MME: variants seen among roughly 807,000 people sequenced by gnomAD.
MME encodes membrane metalloendopeptidase, also known as neprilysin.
Under a neutral mutation model 113.2 loss-of-function variants are expected in MME, and 98 were observed. The observed-to-expected ratio is 0.87, with a 90% CI of 0.74 to 1.02. The LOEUF is 1.02. Ranked by LOEUF, MME falls within the 50% of genes least tolerant of loss-of-function variation. The pLI is 0.00. For missense variants in MME, 836 were observed against 896.0 expected (o/e 0.93, Z 0.86); for synonymous variants, 292 against 300.6 (o/e 0.97, Z 0.30).
At chr3:155,043,074 T>G (rs1307268639) in intron 1 of MME, among the ~76,000 whole-genome samples, 3 of 149,506 alleles carry the variant, frequency 2.0e-5, no homozygotes, top group Admixed American at 6.7e-5. Flanking sequence ...TTAGAGTCTT[T>G]TTATGGTATA....
chr3:155,066,819 C>T (rs894145349), intron 1 of MME, among the ~76,000 whole-genome samples: 8 of 152,150 alleles, frequency 5.3e-5, no homozygotes, highest in Non-Finnish European at 1.0e-4. Context: ...AAGTGATCAG[C>T]TATTACTACA....
At chr3:155,056,943 A>C (rs1324798775) in intron 1 of MME, among the ~76,000 whole-genome samples, 1 of 152,238 alleles carries the variant, frequency 6.6e-6, no homozygotes, top group African/African-American at 2.4e-5. Flanking sequence ...ACAAAAATTA[A>C]TTCAAGTTGG....
chr3:155,058,201 C>G (rs185987850), intron 1 of MME, among the ~76,000 whole-genome samples: 2 of 152,098 alleles, frequency 1.3e-5, no homozygotes, highest in Admixed American at 6.6e-5. Context: ...TGAAGACTCA[C>G]GCAATATTTG....
chr3:155,043,022 CA>C (rs1403679670), intron 1 of MME, among the ~76,000 whole-genome samples: 11 of 142,596 alleles, frequency 7.7e-5, no homozygotes, highest in African/African-American at 2.3e-4. Flanking sequence ...AAGATACTCA[CA>C]TTTTTTTGTT....
chr3:155,032,334 AAAG>A (rs1408865772), intron 1 of MME, among the ~76,000 whole-genome samples: 23 of 152,348 alleles, frequency 1.5e-4, no homozygotes, highest in African/African-American at 5.5e-4. Flanking sequence ...TTGTTTTTAA[AAAG>A]AAGTTGTTTC....
chr3:155,172,018 C>A, intron 20 of MME, 99 bp from the exon 21 acceptor site: 1 of 730,578 alleles, frequency 1.4e-6, no homozygotes, highest in Non-Finnish European at 2.4e-6. Context: ...GTGATTTTAA[C>A]ATAAAATGTT....
chr3:155,128,523 G>T (rs1719874591), intron 8 of MME, among the ~76,000 whole-genome samples: 1 of 152,118 alleles, frequency 6.6e-6, no homozygotes, highest in Non-Finnish European at 1.5e-5. Flanking sequence ...TAATGTCAGT[G>T]TATCATTGGC....
intron 3 of MME, chr3:155,085,353 A>G (rs1043851520): frequency 3.8e-5 from 11 of 288,310 alleles, no homozygotes; most frequent in African/African-American, 2.4e-4. Context: ...ATTTGTATGG[A>G]GCTTGCCATG....
intron 14 of MME, among the ~76,000 whole-genome samples, chr3:155,146,080 C>T (rs573274214): frequency 1.8e-4 from 27 of 150,802 alleles, no homozygotes; most frequent in African/African-American, 4.9e-4. Flanking sequence ...AAGAGTGATA[C>T]GAAGTGGTAA....
At chr3:155,125,924 A>G (rs1719614661) in intron 8 of MME, among the ~76,000 whole-genome samples, 2 of 152,170 alleles carry the variant, frequency 1.3e-5, no homozygotes, top group Non-Finnish European at 1.5e-5. Flanking sequence ...CTCACAGTGT[A>G]GTGATGTGAC....
intron 9 of MME, among the ~76,000 whole-genome samples, chr3:155,139,954 A>AT (rs551178933): frequency 6.6e-6 from 1 of 152,172 alleles, no homozygotes; most frequent in Admixed American, 6.6e-5. Flanking sequence ...ATATAGACAG[A>AT]TTTTTTAAAA....
chr3:155,066,815 T>C (rs1055352043), intron 1 of MME, among the ~76,000 whole-genome samples: 1 of 152,200 alleles, frequency 6.6e-6, no homozygotes, highest in Non-Finnish European at 1.5e-5. Flanking sequence ...AGAAAAGTGA[T>C]CAGCTATTAC....
intron 1 of MME, among the ~76,000 whole-genome samples, chr3:155,044,598 C>A (rs1275315884): frequency 1.3e-5 from 2 of 151,930 alleles, no homozygotes; most frequent in Non-Finnish European, 2.9e-5. Flanking sequence ...TCAGCTCATG[C>A]AACTTCTGCC....
intron 1 of MME, among the ~76,000 whole-genome samples, chr3:155,050,317 T>C (rs897480172): frequency 1.3e-5 from 2 of 152,224 alleles, no homozygotes; most frequent in African/African-American, 2.4e-5. Flanking sequence ...GTCTTTATGA[T>C]AGAATAATCT....
rs1237751773 is a variant in MME at position 155,183,693 on chromosome 3, T to G, written c.*3234T>G. ...CAAAAATACAAAATAAAAACAAACGTTTTTAATACTATTGCTTTTATGCCT... is the reference window on the plus strand; with the variant it reads ...CAAAAATACAAAATAAAAACAAACGGTTTTAATACTATTGCTTTTATGCCT... On this transcript the variant is annotated 3_prime_UTR_variant, in exon 23 of 23. Coordinates refer to ENST00000360490, the MANE Select transcript of MME (RefSeq NM_007289.4). 1.3e-5 allele frequency: 2 copies of G among 152,142 alleles called. No individual in the cohort carries two copies. Among genetic ancestry groups the G allele is most frequent in the African/African-American group, 4.8e-5 (2 of 41,442 alleles). The allele number at this position is 152,142 out of a possible 1,614,324, so 9.4% of individuals were successfully genotyped here.
At position 155,118,812 on chromosome 3, in the gene MME, G is replaced by A. The variant is rs199987860; in HGVS notation, c.720+1G>A. 14 of 1,577,218 alleles carry A rather than the reference G, an allele frequency of 8.9e-6. No homozygotes were observed. The highest frequency in any genetic ancestry group is 1.2e-5 in the Non-Finnish European group (14 of 1,150,798). ...TGAATGCACTGGAATCTATAAAGAG[G>A]TAAAAAGAAAAAAAATAATCAAAAC... On this transcript the variant is annotated splice_donor_variant, in intron 8 of 22. Transcript: ENST00000360490. LOFTEE classifies it high-confidence loss of function.
intron 1 of MME, among the ~76,000 whole-genome samples, chr3:155,042,913 T>TATATATATAC (rs1559890029): frequency 9.2e-5 from 4 of 43,662 alleles, no homozygotes; most frequent in Non-Finnish European, 1.6e-4. Flanking sequence ...TATATATATA[T>TATATATATAC]ATATATATAT....
chr3:155,024,269 C>T (rs1411914513), exon 1 of MME: 1 of 152,074 alleles, frequency 6.6e-6, no homozygotes, highest in Non-Finnish European at 1.5e-5. Flanking sequence ...GAAAGCTGGC[C>T]CAAGGGTGTA....
At chr3:155,057,766 C>A (rs1040742986) in intron 1 of MME, among the ~76,000 whole-genome samples, 4 of 150,376 alleles carry the variant, frequency 2.7e-5, no homozygotes, top group East Asian at 2.0e-4. Context: ...TGGAGATCAG[C>A]GACATTTTTT....
Sources: allele counts gnomAD v4.1 joint callset (sites outside exome capture counted in the v4.1 genomes callset), GRCh38; gene constraint gnomAD v4.1.1; transcripts MANE v1.5; gene names NCBI Gene and HGNC (gene_info 2026-07-23, HGNC 2026-07-21).